The following TENM2 variants were observed in gnomAD, a reference collection of about 807,000 sequenced individuals.
TENM2 encodes teneurin-2.
In TENM2, 52 loss-of-function variants were observed where a neutral mutation model predicts 245.2. That is an observed-to-expected ratio of 0.21 (90% CI 0.17 to 0.27). The LOEUF (loss-of-function observed/expected upper bound fraction) is 0.27. Ranked by LOEUF, TENM2 falls within the 10% of genes least tolerant of loss-of-function variation. The pLI is 1.00. For missense variants in TENM2, 3,046 were observed against 3,666.8 expected (o/e 0.83, Z 4.37); for synonymous variants, 1,363 against 1,438.9 (o/e 0.95, Z 1.19).
the TENM2 span, among the ~76,000 whole-genome samples, chr5:167,201,596 T>A: frequency 2.6e-5 from 4 of 152,284 alleles, no homozygotes; most frequent in East Asian, 7.7e-4. Flanking sequence ...ATAGAAAGAA[T>A]GCCTTCTGAT....
At chr5:168,237,959 G>T (rs553965330) in intron 25 of TENM2, among the ~76,000 whole-genome samples, 1 of 151,328 alleles carries the variant, frequency 6.6e-6, no homozygotes, top group Non-Finnish European at 1.5e-5. Flanking sequence ...TGGCTAACAC[G>T]GTGAAACCCC....
At chr5:167,875,601 A>G (rs967347889) in intron 2 of TENM2, among the ~76,000 whole-genome samples, 1 of 152,114 alleles carries the variant, frequency 6.6e-6, no homozygotes, top group Non-Finnish European at 1.5e-5. Flanking sequence ...GACTGGGACA[A>G]TGGGGAGTAG....
At position 168,055,064 on chromosome 5, in the gene TENM2, A is replaced by G. The variant is rs150810557; in HGVS notation, c.1310-6996A>G. Among the ~76,000 whole-genome samples the G allele has an allele frequency of 7.0e-4, 106 of 152,278 alleles. No individual in the cohort carries two copies. The East Asian group carries it at 7.3e-3, about 11-fold the overall frequency. On this transcript the variant is annotated intron_variant, in intron 6 of 28. Coordinates refer to ENST00000518659, the Ensembl canonical transcript of TENM2. ...GCATGCCAGGGTGCCAGGCCTAGTC[A>G]TTGCCTAGAACCCAAGGATACCAGT...
chr5:167,265,746 A>C, the TENM2 span, among the ~76,000 whole-genome samples: 1 of 152,158 alleles, frequency 6.6e-6, no homozygotes, highest in Non-Finnish European at 1.5e-5. Context: ...GATTATGTCC[A>C]GAGTTTTCTG....
chr5:167,277,149 A>G, the TENM2 span, among the ~76,000 whole-genome samples: 4 of 151,166 alleles, frequency 2.6e-5, no homozygotes, highest in African/African-American at 9.7e-5. Flanking sequence ...CCTTTTTTGC[A>G]TTGAGTATGT....
the TENM2 span, among the ~76,000 whole-genome samples, chr5:167,106,888 A>G: frequency 6.6e-6 from 1 of 152,136 alleles, no homozygotes; most frequent in African/African-American, 2.4e-5. Context: ...AGGGTTGCAT[A>G]GAAGATAGTG....
chr5:167,368,802 C>A (rs2127292487), intron 1 of TENM2, among the ~76,000 whole-genome samples: 1 of 152,124 alleles, frequency 6.6e-6, no homozygotes, highest in African/African-American at 2.4e-5. Context: ...CTCCCCTACC[C>A]CCACCCCAGG....
chr5:167,003,909 A>G, the TENM2 span, among the ~76,000 whole-genome samples: 8 of 152,240 alleles, frequency 5.3e-5, no homozygotes, highest in East Asian at 1.5e-3. Context: ...TAGAAAATAT[A>G]CTCAACTCTC....
chr5:168,260,189 A>G, intron 27 of TENM2, 94 bp from the exon 30 acceptor site: 2 of 1,427,574 alleles, frequency 1.4e-6, no homozygotes, highest in Non-Finnish European at 1.9e-6. Context: ...CCCTACACCC[A>G]ACCACCCATT....
At chr5:167,745,500 T>TA (rs1478429092) in intron 2 of TENM2, among the ~76,000 whole-genome samples, 1 of 152,158 alleles carries the variant, frequency 6.6e-6, no homozygotes, top group Admixed American at 6.5e-5. Flanking sequence ...ACACACTTTT[T>TA]AAAAAATAGC....
the TENM2 span, among the ~76,000 whole-genome samples, chr5:167,068,505 A>C: frequency 1.3e-5 from 2 of 152,252 alleles, no homozygotes; most frequent in Non-Finnish European, 2.9e-5. Flanking sequence ...TTATCTTTTT[A>C]ATGTATAACC....
chr5:168,165,126 AGTTTACAGACCTGATGTG>A (rs1758102803), intron 13 of TENM2: 1 of 152,260 alleles, frequency 6.6e-6, no homozygotes, highest in Non-Finnish European at 1.5e-5. Context: ...CAATCAAAAC[AGTTTACAGACCTGATGTG>A]GTTTACAGAG....
intron 2 of TENM2, among the ~76,000 whole-genome samples, chr5:167,548,425 G>C (rs145074953): frequency 7.9e-4 from 120 of 152,080 alleles, no homozygotes; most frequent in African/African-American, 2.7e-3. Context: ...TTTCTAATAA[G>C]CATTTTAGCA....
intron 2 of TENM2, among the ~76,000 whole-genome samples, chr5:167,575,442 T>A (rs1582429901): frequency 3.2e-5 from 1 of 30,832 alleles, no homozygotes; most frequent in African/African-American, 5.9e-5. Flanking sequence ...GGAGATAAGA[T>A]TTTTTTCTTC....
chr5:167,873,603 A>C lies in TENM2; in HGVS notation c.503-2383A>C, dbSNP rs562450361. On this transcript the variant is annotated intron_variant, in intron 2 of 28. Transcript: ENST00000518659. ...TTTTGAGGATTAAATTAGATAATACATATAAAGGAACTAGCACAGCGAGTG... is the reference window on the plus strand; with the variant it reads ...TTTTGAGGATTAAATTAGATAATACCTATAAAGGAACTAGCACAGCGAGTG... Among the ~76,000 whole-genome samples, 9 of 152,350 alleles carry C rather than the reference A, an allele frequency of 5.9e-5. No homozygotes were observed. The South Asian group carries it at 1.9e-3, about 32-fold the overall frequency.
chr5:167,478,900 G>C (rs997733740), intron 2 of TENM2, among the ~76,000 whole-genome samples: 2 of 151,998 alleles, frequency 1.3e-5, no homozygotes, highest in Non-Finnish European at 2.9e-5. Flanking sequence ...TATGGGCTGA[G>C]TTCTTTGCTA....
rs548413331 is a variant in TENM2 at position 168,127,016 on chromosome 5, G to A, written c.2422+50G>A. The A allele has an allele frequency of 5.0e-5, 73 of 1,466,736 alleles. No individual in the cohort carries two copies. The East Asian group carries it at 1.2e-3, about 24-fold the overall frequency. The allele number at this position is 1,466,736 out of a possible 1,614,324, so 90.9% of individuals were successfully genotyped here. On this transcript the variant is annotated intron_variant, in intron 12 of 28. Coordinates refer to ENST00000518659, the Ensembl canonical transcript of TENM2. ...ATTGTAGATCTATAGTGATGGTCGC[G>A]CATGGCAACTGGCTGTTCCTTCAGG...
chr5:168,126,422 T>C (rs1254603755), intron 11 of TENM2, among the ~76,000 whole-genome samples: 1 of 152,198 alleles, frequency 6.6e-6, no homozygotes, highest in African/African-American at 2.4e-5. Context: ...CAAAACCACC[T>C]GGAGGACTTG....
chr5:167,169,817 G>A, the TENM2 span, among the ~76,000 whole-genome samples: 13 of 152,178 alleles, frequency 8.5e-5, no homozygotes, highest in African/African-American at 2.7e-4. Flanking sequence ...GTTGTTCCAT[G>A]CATTTGTTTG....
Sources: gnomAD v4.1 joint callset for allele counts (sites outside exome capture counted in the v4.1 genomes callset) on GRCh38, gnomAD v4.1.1 for gene constraint, MANE v1.5 for transcripts, NCBI Gene and HGNC (gene_info 2026-07-23, HGNC 2026-07-21) for gene names.